ADORA2B: variants seen among roughly 807,000 people sequenced by gnomAD.
The protein encoded by ADORA2B is adenosine receptor A2b.
ADORA2B carries 18 observed loss-of-function variants against 20.8 expected under a neutral mutation model. That is an observed-to-expected ratio of 0.87 (90% CI 0.60 to 1.29). ADORA2B has a LOEUF of 1.29. ADORA2B is among the 50% of genes most tolerant of loss of function. ADORA2B has a pLI of 0.00. For missense variants in ADORA2B, 441 were observed against 422.7 expected (o/e 1.04, Z -0.38); for synonymous variants, 179 against 178.3 (o/e 1.00, Z -0.03).
chr17:15,964,202 CT>C (rs1970072448), intron 1 of ADORA2B, among the ~76,000 whole-genome samples: 1 of 152,196 alleles, frequency 6.6e-6, no homozygotes, highest in East Asian at 1.9e-4. Context: ...ATAGTATCTA[CT>C]TTTTTTATTG....
chr17:15,912,170 G>C, the ADORA2B span, among the ~76,000 whole-genome samples: 1 of 145,504 alleles, frequency 6.9e-6, no homozygotes, highest in Non-Finnish European at 1.5e-5. Flanking sequence ...AGCCGAGATT[G>C]CACCATTGCA....
At chr17:15,936,109 T>C in the ADORA2B span, among the ~76,000 whole-genome samples, 2 of 152,072 alleles carry the variant, frequency 1.3e-5, no homozygotes, top group African/African-American at 2.4e-5. Flanking sequence ...ACTCCTGACC[T>C]TGAGTGACCT....
At chr17:15,926,974 A>T in the ADORA2B span, among the ~76,000 whole-genome samples, 2 of 152,186 alleles carry the variant, frequency 1.3e-5, no homozygotes. Context: ...CTGTCTCAAA[A>T]AATAAAATAA....
chr17:15,945,115 C>T (rs1969781533), upstream of ADORA2B: 5 of 787,390 alleles, frequency 6.4e-6, no homozygotes, highest in Non-Finnish European at 6.9e-6. Flanking sequence ...CACCAGCGCC[C>T]CAGCCCCGAG....
At chr17:15,898,092 T>C in the ADORA2B span, among the ~76,000 whole-genome samples, 4 of 152,108 alleles carry the variant, frequency 2.6e-5, no homozygotes, top group Admixed American at 6.5e-5. Flanking sequence ...GTCCAGGGAA[T>C]TTAAAAAGGA....
At chr17:15,959,586 C>T (rs1019128155) in intron 1 of ADORA2B, among the ~76,000 whole-genome samples, 4 of 151,418 alleles carry the variant, frequency 2.6e-5, no homozygotes, top group South Asian at 2.1e-4. Flanking sequence ...CGGCAACCTC[C>T]GCCTCCTGGG....
chr17:15,931,702 C>A, the ADORA2B span, among the ~76,000 whole-genome samples: 1 of 152,052 alleles, frequency 6.6e-6, no homozygotes, highest in African/African-American at 2.4e-5. Context: ...CTGTTCAAGT[C>A]CTTTGCCCAT....
chr17:15,935,997 G>C, the ADORA2B span, among the ~76,000 whole-genome samples: 4 of 151,690 alleles, frequency 2.6e-5, no homozygotes, highest in Non-Finnish European at 2.9e-5. Context: ...CTCCTGAGTA[G>C]CTGGAATTAC....
chr17:15,866,700 T>TGCCGCTGCCGCTGCCGCTGCCG, the ADORA2B span, among the ~76,000 whole-genome samples: 1 of 123,352 alleles, frequency 8.1e-6, no homozygotes, highest in African/African-American at 3.0e-5. Flanking sequence ...TGCCTCTGCC[T>TGCCGCTGCCGCTGCCGCTGCCG]CTGCCGCTGC....
chr17:15,899,645 C>T, the ADORA2B span, among the ~76,000 whole-genome samples: 2 of 152,068 alleles, frequency 1.3e-5, no homozygotes, highest in African/African-American at 4.8e-5. Context: ...CATCTTTATG[C>T]CCATGACTAC....
At chr17:15,963,311 G>A (rs1165437193) in intron 1 of ADORA2B, among the ~76,000 whole-genome samples, 2 of 152,144 alleles carry the variant, frequency 1.3e-5, no homozygotes, top group Admixed American at 6.5e-5. Context: ...CCCCAAACAC[G>A]TACCACAAGA....
the ADORA2B span, among the ~76,000 whole-genome samples, chr17:15,888,301 G>T: frequency 1.5e-5 from 2 of 129,498 alleles, no homozygotes; most frequent in African/African-American, 3.3e-5. Context: ...CTGCTCCTTG[G>T]TCACCAGCCC....
chr17:15,922,064 C>T, the ADORA2B span, among the ~76,000 whole-genome samples: 243 of 152,256 alleles, frequency 1.6e-3, no homozygotes, highest in Non-Finnish European at 3.1e-3. Context: ...ACTTTTTCAT[C>T]TTAAAGTTTA....
upstream of ADORA2B, among the ~76,000 whole-genome samples, chr17:15,944,326 A>C (rs1420691897): frequency 6.6e-6 from 1 of 152,124 alleles, no homozygotes; most frequent in Non-Finnish European, 1.5e-5. This position sits in a 1 kb window ranked among gnomAD's most constrained non-coding sequence, Gnocchi z 4.8. Context: ...TTAGGGCTGA[A>C]GCAAGAGATT....
chr17:15,920,196 T>C, the ADORA2B span, among the ~76,000 whole-genome samples: 1 of 152,078 alleles, frequency 6.6e-6, no homozygotes, highest in Non-Finnish European at 1.5e-5. Context: ...AGTGGAATAA[T>C]AGACACGGGA....
At chr17:15,960,294 C>A (rs113257740) in intron 1 of ADORA2B, among the ~76,000 whole-genome samples, 1 of 97,844 alleles carries the variant, frequency 1.0e-5, no homozygotes, top group African/African-American at 3.5e-5. Flanking sequence ...GTGGCTCACG[C>A]CTGTAATCCC....
the ADORA2B span, among the ~76,000 whole-genome samples, chr17:15,867,858 T>C: frequency 1.6e-4 from 24 of 150,074 alleles, no homozygotes; most frequent in Admixed American, 6.0e-4. Context: ...GCCACCACCC[T>C]GTCTGGGAGG....
intron 1 of ADORA2B, among the ~76,000 whole-genome samples, chr17:15,958,878 G>C (rs551100925): frequency 7.3e-4 from 111 of 152,168 alleles, no homozygotes; most frequent in Non-Finnish European, 1.4e-3. Context: ...TCTCTGTTAT[G>C]AGCAGGGCAC....
chr17:15,943,862 TCTCCTTAC>T (rs1349643563), upstream of ADORA2B, among the ~76,000 whole-genome samples: 4 of 152,150 alleles, frequency 2.6e-5, no homozygotes, highest in African/African-American at 9.7e-5. Context: ...TGCTGGAAAA[TCTCCTTAC>T]CCATCCTCTT....
Sources: allele counts gnomAD v4.1 joint callset (sites outside exome capture counted in the v4.1 genomes callset), GRCh38; gene constraint gnomAD v4.1.1; non-coding constraint Gnocchi (gnomAD v3.1); transcripts MANE v1.5; gene names NCBI Gene and HGNC (gene_info 2026-07-23, HGNC 2026-07-21).